The following ADGRL3 variants were observed in gnomAD, a reference collection of about 807,000 sequenced individuals.
ADGRL3 encodes calcium-independent alpha-latrotoxin receptor 3.
A neutral mutation model predicts 153.5 loss-of-function variants in ADGRL3; 62 were observed. The observed-to-expected ratio is 0.40, with a 90% confidence interval of 0.33 to 0.50. The LOEUF is 0.50. Among genes scored for constraint, ADGRL3 ranks in the 20% least tolerant of loss-of-function variants. The pLI, the probability that ADGRL3 is intolerant of heterozygous loss-of-function variation, is 0.47. For missense variants in ADGRL3, 1,641 were observed against 1,859.4 expected, an observed-to-expected ratio of 0.88 and a Z score of 2.16; for synonymous variants, 710 against 672.5, an observed-to-expected ratio of 1.06 and a Z score of -0.86.
chr4:61,873,294 A>G (rs1448714912), intron 9 of ADGRL3, among the ~76,000 whole-genome samples: 3 of 152,120 alleles, frequency 2.0e-5, no homozygotes, highest in Non-Finnish European at 2.9e-5. Flanking sequence ...TGTGCAGTAT[A>G]ATCTCTGAAA....
chr4:61,773,114 C>T (rs376583741), intron 8 of ADGRL3, among the ~76,000 whole-genome samples: 4 of 152,074 alleles, frequency 2.6e-5, no homozygotes, highest in East Asian at 3.9e-4. Context: ...TAAAAGGTTA[C>T]GGGGTAGAAT....
At chr4:61,509,119 C>T (rs975744760) in intron 3 of ADGRL3, among the ~76,000 whole-genome samples, 6 of 138,726 alleles carry the variant, frequency 4.3e-5, no homozygotes, top group African/African-American at 1.6e-4. Flanking sequence ...CAAACCATAT[C>T]ACATCTTTTT....
chr4:61,938,460 A>G (rs2080083414), intron 15 of ADGRL3, among the ~76,000 whole-genome samples: 1 of 152,164 alleles, frequency 6.6e-6, no homozygotes, highest in African/African-American at 2.4e-5. Flanking sequence ...TCTTTGCTGG[A>G]TTACTGAAAT....
intron 8 of ADGRL3, among the ~76,000 whole-genome samples, chr4:61,806,129 A>C (rs1401394379): frequency 3.3e-5 from 5 of 152,248 alleles, no homozygotes; most frequent in African/African-American, 9.6e-5. Flanking sequence ...GGGTCCTAGG[A>C]TGACAGAGTA....
At chr4:61,334,565 TG>T (rs569362861) in intron 1 of ADGRL3, among the ~76,000 whole-genome samples, 145 of 152,270 alleles carry the variant, frequency 9.5e-4, no homozygotes, top group African/African-American at 3.4e-3. Context: ...TGATATGAAC[TG>T]TGATCAGTTC....
At chr4:61,491,163 C>T (rs1206095542) in intron 2 of ADGRL3, among the ~76,000 whole-genome samples, 2 of 152,054 alleles carry the variant, frequency 1.3e-5, no homozygotes, top group African/African-American at 4.8e-5. Context: ...CAGAAGGAGT[C>T]TTCCATGTAG....
chr4:61,946,941 A>T lies in ADGRL3; in HGVS notation c.2447A>T (p.Tyr816Phe), dbSNP rs374638429. ...NGEIRVAFVL[Y>F]NNLGPYLSTE... ...GAGATCAGAGTGGCCTTTGTCCTGT[A>T]TAACAACTTGGGTCCTTATTTATCC... Residue 816 changes from tyrosine (Y) to phenylalanine (F), a missense_variant, in exon 16 of 27, where the codon TAT becomes TTT. Physicochemically the swap from Tyr to Phe is conservative, Grantham distance 22. Transcript: ENST00000683033. 6.2e-7 allele frequency: 1 copy of T among 1,613,868 alleles called. No homozygotes were observed. The highest frequency in any genetic ancestry group is 1.3e-5 in the African/African-American group (1 of 75,056).
At chr4:61,499,685 C>T (rs950698846) in intron 3 of ADGRL3, among the ~76,000 whole-genome samples, 1 of 151,782 alleles carries the variant, frequency 6.6e-6, no homozygotes, top group Admixed American at 6.6e-5. Flanking sequence ...ATTAGCTAGC[C>T]ATAAAAGCTG....
intron 1 of ADGRL3, among the ~76,000 whole-genome samples, chr4:61,282,023 T>TATAAA (rs2093741859): frequency 6.6e-6 from 1 of 152,144 alleles, no homozygotes; most frequent in East Asian, 1.9e-4. Flanking sequence ...TGTCTTTCAT[T>TATAAA]TGGCTATCAA....
chr4:61,354,785 T>A (rs766560615), intron 1 of ADGRL3, among the ~76,000 whole-genome samples: 1 of 152,150 alleles, frequency 6.6e-6, no homozygotes, highest in African/African-American at 2.4e-5. Flanking sequence ...TACATTTCAA[T>A]TTATCAGCAT....
intron 6 of ADGRL3, among the ~76,000 whole-genome samples, chr4:61,705,638 C>T (rs1294538399): frequency 1.3e-5 from 2 of 151,926 alleles, no homozygotes; most frequent in East Asian, 3.9e-4. Flanking sequence ...GCTGGGATTA[C>T]AGGCATGCAC....
intron 5 of ADGRL3, among the ~76,000 whole-genome samples, chr4:61,615,006 T>A (rs1224470281): frequency 6.6e-6 from 1 of 152,140 alleles, no homozygotes; most frequent in African/African-American, 2.4e-5. Flanking sequence ...GTATTGTTCT[T>A]CTTTCTCACT....
intron 4 of ADGRL3, among the ~76,000 whole-genome samples, chr4:61,522,542 T>C (rs1178959146): frequency 2.0e-5 from 3 of 152,124 alleles, no homozygotes; most frequent in Non-Finnish European, 4.4e-5. Flanking sequence ...GATGATGTAA[T>C]AAACTGTTAG....
rs1215593946 is a variant in ADGRL3, at chr4:61,729,565, C to A, written c.584-1057C>A. ...TGCATATCTCAGTTCATCTCTTCCA[C>A]TGAAATTGCTTTAGTTTTACATCAC... is the stretch of plus-strand genomic sequence containing the variant. On this transcript the variant is annotated intron_variant, in intron 6 of 26. Coordinates refer to ENST00000683033, the MANE Select transcript of ADGRL3 (RefSeq NM_001387552.1). Among the ~76,000 whole-genome samples, 11 of 152,062 alleles carry A rather than the reference C, an allele frequency of 7.2e-5. No individual in the cohort carries two copies. In the East Asian group the frequency reaches 1.9e-3, roughly 27 times the overall value.
chr4:61,952,964 G>A (rs1342968516), intron 17 of ADGRL3, among the ~76,000 whole-genome samples: 1 of 152,136 alleles, frequency 6.6e-6, no homozygotes, highest in African/African-American at 2.4e-5. Flanking sequence ...CAATCACAAA[G>A]CATGTGTGTC....
chr4:61,884,540 C>T (rs1048863531), intron 9 of ADGRL3, among the ~76,000 whole-genome samples: 15 of 152,050 alleles, frequency 9.9e-5, no homozygotes, highest in Admixed American at 7.2e-4. Flanking sequence ...TTTAAACTGC[C>T]GTAAACAAAA....
intron 2 of ADGRL3, among the ~76,000 whole-genome samples, chr4:61,388,646 A>G (rs544437401): frequency 6.6e-6 from 1 of 152,306 alleles, no homozygotes; most frequent in Admixed American, 6.5e-5. Flanking sequence ...GGATAATTAC[A>G]TCACCCTCCT....
At chr4:61,433,974 G>T (rs189894857) in intron 2 of ADGRL3, among the ~76,000 whole-genome samples, 1 of 151,848 alleles carries the variant, frequency 6.6e-6, no homozygotes, top group East Asian at 1.9e-4. Flanking sequence ...CCTATTAATC[G>T]AACCCTTCCA....
At position 61,456,457 on chromosome 4, in the gene ADGRL3, ATATATAGATATATCTATATC is replaced by A. The variant is rs1352995692; in HGVS notation, c.-173-40657_-173-40638del. On this transcript the variant is annotated intron_variant, in intron 2 of 26. Coordinates refer to ENST00000683033, the MANE Select transcript of ADGRL3 (RefSeq NM_001387552.1). ...TATATATAGATATATCTATATCTAT[ATATATAGATATATCTATATC>A]TATATATATAGATATATCTATATCT... Among the ~76,000 whole-genome samples, 19 of 129,170 alleles carry A rather than the reference ATATATAGATATATCTATATC, an allele frequency of 1.5e-4. No individual in the cohort carries two copies. In the East Asian group the frequency reaches 2.7e-3, roughly 18 times the overall value. 84.7% of individuals were successfully genotyped at this position (129,170 alleles called of 152,430 possible).
Sources: gnomAD v4.1 joint callset for allele counts (sites outside exome capture counted in the v4.1 genomes callset) on GRCh38, gnomAD v4.1.1 for gene constraint, MANE v1.5 for transcripts, NCBI Gene and HGNC (gene_info 2026-07-23, HGNC 2026-07-21) for gene names.